Variants in CCDC192 observed in about 807,000 individuals in gnomAD.
CCDC192 encodes coiled-coil domain containing 192, also known as coiled-coil domain-containing protein 192.
chr5:127,804,046 G>A (rs1301875035), intron 5 of CCDC192, among the ~76,000 whole-genome samples: 1 of 152,192 alleles, frequency 6.6e-6, no homozygotes, highest in African/African-American at 2.4e-5. Flanking sequence ...CAGGACGGGG[G>A]TCTCCCAAAA....
chr5:127,733,015 A>G (rs552502586), intron 2 of CCDC192, among the ~76,000 whole-genome samples: 2 of 152,266 alleles, frequency 1.3e-5, no homozygotes, highest in South Asian at 2.1e-4. Context: ...AAATAATACA[A>G]TTTTTAAAAA....
chr5:127,906,510 G>A (rs1043131948), intron 6 of CCDC192, among the ~76,000 whole-genome samples: 2 of 151,298 alleles, frequency 1.3e-5, no homozygotes, highest in African/African-American at 4.8e-5. Flanking sequence ...TTGAGGCTAG[G>A]TGCAGTGGCT....
chr5:127,742,741 C>A (rs1483295662), intron 2 of CCDC192, among the ~76,000 whole-genome samples: 1 of 152,092 alleles, frequency 6.6e-6, no homozygotes, highest in Non-Finnish European at 1.5e-5. Flanking sequence ...AAAGAAATAT[C>A]CTCTTAACAC....
chr5:127,784,700 T>G, intron 3 of CCDC192: 1 of 642,856 alleles, frequency 1.6e-6, no homozygotes, highest in South Asian at 1.4e-5. Context: ...CATTTCTTGA[T>G]CAGGGACCCG....
intron 2 of CCDC192, among the ~76,000 whole-genome samples, chr5:127,728,057 C>T (rs1296601831): frequency 6.6e-6 from 1 of 152,032 alleles, no homozygotes; most frequent in Non-Finnish European, 1.5e-5. Flanking sequence ...AAGGACCAAA[C>T]CTACAACTGA....
chr5:127,754,256 T>G lies in CCDC192; in HGVS notation c.115-12T>G, dbSNP rs1203063940. On this transcript the variant is annotated splice_polypyrimidine_tract_variant and intron_variant, in intron 2 of 6. Coordinates refer to ENST00000514853, the MANE Select transcript of CCDC192 (RefSeq NM_001317938.2). ...TGTCAAAAAGTAATACTTGATTTTT[T>G]TTTTTTTAAAGAAAGCGTCCCTGGA... 1 of 398,592 alleles carries G rather than the reference T, an allele frequency of 2.5e-6. No individual in the cohort carries two copies. Among genetic ancestry groups the G allele is most frequent in the African/African-American group, 2.1e-5 (1 of 48,544 alleles). 24.7% of individuals were successfully genotyped at this position (398,592 alleles called of 1,614,324 possible).
intron 5 of CCDC192, 137 bp from the exon 6 acceptor site, chr5:127,875,401 C>T: frequency 2.6e-6 from 1 of 384,962 alleles, no homozygotes. Context: ...TCAAACAGGA[C>T]TCAATCTAGA....
intron 5 of CCDC192, among the ~76,000 whole-genome samples, chr5:127,840,621 A>G (rs1750239648): frequency 6.6e-6 from 1 of 152,134 alleles, no homozygotes; most frequent in South Asian, 2.1e-4. Context: ...AATTTATTAA[A>G]TTGTTAAATT....
chr5:127,838,521 A>G (rs1750136120), intron 5 of CCDC192: 2 of 152,218 alleles, frequency 1.3e-5, no homozygotes, highest in Non-Finnish European at 2.9e-5. Context: ...TGGAATAGGT[A>G]CAGAATGTCT....
At chr5:127,939,110 C>CTTTTTTT (rs59545987) in intron 6 of CCDC192, among the ~76,000 whole-genome samples, 95 of 83,642 alleles carry the variant, frequency 1.1e-3, no homozygotes, top group East Asian at 1.7e-3. Context: ...AAACCAACAT[C>CTTTTTTT]TTTTTTTTTT....
intron 3 of CCDC192, among the ~76,000 whole-genome samples, chr5:127,788,307 A>G (rs1756677057): frequency 6.6e-6 from 1 of 152,072 alleles, no homozygotes; most frequent in Admixed American, 6.6e-5. Flanking sequence ...GACAACATCT[A>G]TGTGACTATG....
chr5:127,914,912 A>G (rs866713806), intron 6 of CCDC192, among the ~76,000 whole-genome samples: 1 of 152,212 alleles, frequency 6.6e-6, no homozygotes, highest in South Asian at 2.1e-4. Flanking sequence ...AAGTTTGAAC[A>G]TGAATTGATT....
chr5:127,796,858 A>G (rs759615145), intron 3 of CCDC192, among the ~76,000 whole-genome samples: 7 of 152,354 alleles, frequency 4.6e-5, no homozygotes, highest in Admixed American at 6.5e-5. Context: ...TAGTATTTCT[A>G]TATTCTCCGT....
intron 6 of CCDC192, among the ~76,000 whole-genome samples, chr5:127,883,401 T>G (rs1469185331): frequency 1.3e-5 from 2 of 152,222 alleles, no homozygotes; most frequent in Non-Finnish European, 2.9e-5. Context: ...AAAGGTGTAC[T>G]TTCTAAATAT....
At chr5:127,717,441 AT>A (rs781492597) in intron 2 of CCDC192, among the ~76,000 whole-genome samples, 2 of 150,536 alleles carry the variant, frequency 1.3e-5, no homozygotes, top group African/African-American at 4.9e-5. Flanking sequence ...GCTTCTGAAG[AT>A]TTTGGCTCAA....
intron 6 of CCDC192, among the ~76,000 whole-genome samples, chr5:127,889,795 C>A (rs1388875146): frequency 6.6e-6 from 1 of 152,216 alleles, no homozygotes; most frequent in Non-Finnish European, 1.5e-5. Flanking sequence ...ATCCCTTCAG[C>A]CACTTTGAAC....
chr5:127,911,683 C>A (rs1753356673), intron 6 of CCDC192, among the ~76,000 whole-genome samples: 1 of 146,804 alleles, frequency 6.8e-6, no homozygotes, highest in Non-Finnish European at 1.5e-5. Flanking sequence ...AATTCTCTAT[C>A]TTTTGCCTTA....
intron 6 of CCDC192, chr5:127,940,978 T>G: frequency 2.6e-6 from 1 of 381,946 alleles, no homozygotes; most frequent in Non-Finnish European, 4.6e-6. Flanking sequence ...TCCCAAGTTT[T>G]GTTTTGTTTC....
chr5:127,759,732 C>T (rs1754806467), intron 3 of CCDC192, among the ~76,000 whole-genome samples: 1 of 152,188 alleles, frequency 6.6e-6, no homozygotes, highest in African/African-American at 2.4e-5. Flanking sequence ...CGAGTTCCAA[C>T]CTACCACAAA....
Sources: allele counts gnomAD v4.1 joint callset (sites outside exome capture counted in the v4.1 genomes callset), GRCh38; gene constraint gnomAD v4.1.1; transcripts MANE v1.5; gene names NCBI Gene and HGNC (gene_info 2026-07-23, HGNC 2026-07-21).